Variants in RAB27A observed in about 807,000 individuals in gnomAD.
RAB27A encodes the protein ras-related protein Rab-27A.
Under a neutral mutation model 20.8 loss-of-function variants are expected in RAB27A, and 17 were observed. The ratio of observed to expected loss-of-function variants is 0.82; its 90% CI spans 0.56 to 1.23. The LOEUF (loss-of-function observed/expected upper bound fraction) is 1.23, where lower values mean the gene tolerates loss of function less well. Among genes scored for constraint, RAB27A ranks in the 50% most tolerant of loss-of-function variants. The probability of loss-of-function intolerance (pLI) is 0.00; values close to 1 mark genes in which losing one functional copy is unlikely to be tolerated. For missense variants in RAB27A, 277 were observed against 266.7 expected (o/e 1.04, Z -0.27); for synonymous variants, 85 against 92.8 (o/e 0.92, Z 0.48).
chr15:55,222,329 A>G (rs1895610482), intron 6 of RAB27A, among the ~76,000 whole-genome samples: 1 of 152,172 alleles, frequency 6.6e-6, no homozygotes, highest in African/African-American at 2.4e-5. Flanking sequence ...CTTGAGAAAA[A>G]CCTAAAATCC....
chr15:55,294,576 A>T (rs2054939239), upstream of RAB27A, among the ~76,000 whole-genome samples: 1 of 147,074 alleles, frequency 6.8e-6, no homozygotes, highest in Non-Finnish European at 1.5e-5. Flanking sequence ...CAACAGAACA[A>T]AACCCTGTCT....
At chr15:55,264,718 C>T (rs1039344392) in intron 2 of RAB27A, among the ~76,000 whole-genome samples, 87 of 152,194 alleles carry the variant, frequency 5.7e-4, no homozygotes, top group African/African-American at 2.1e-3. Flanking sequence ...ACCAATGATC[C>T]AAAGATATAC....
At chr15:55,254,256 T>C (rs1177315978) in intron 2 of RAB27A, among the ~76,000 whole-genome samples, 1 of 152,176 alleles carries the variant, frequency 6.6e-6, no homozygotes, top group Non-Finnish European at 1.5e-5. Flanking sequence ...ACATTCCTTT[T>C]AAGTTATTAC....
chr15:55,266,678 C>T lies in RAB27A; in HGVS notation c.-23+3487G>A, dbSNP rs182968480. On this transcript the variant is annotated intron_variant, in intron 2 of 6. Transcript: ENST00000336787. ...TAACTCATTTAGTCTTCACAACAAC[C>T]GTATAAGGTCCCTAAATCTACAGAT... is the stretch of plus-strand genomic sequence containing the variant. Among the ~76,000 whole-genome samples the T allele has an allele frequency of 1.4e-3, 218 of 152,256 alleles. 1 individual carries two copies. Among genetic ancestry groups the T allele is most frequent in the African/African-American group, 4.6e-3 (193 of 41,544 alleles).
In RAB27A at chr15:55,318,528, C is replaced by A. The variant is rs1475208016; in HGVS notation, c.-234+403G>T. Among the ~76,000 whole-genome samples the A allele has an allele frequency of 1.2e-4, 18 of 150,994 alleles. No homozygotes were observed. The East Asian group carries it at 3.6e-3, about 30-fold the overall frequency. On this transcript the variant is annotated intron_variant, in intron 1 of 5. Transcript: ENST00000563262. ...GACCAGCCAGGCCAATATGGTGAAA[C>A]CCCGTCTCTACAAAAAAACACAAAA...
intron 2 of RAB27A, among the ~76,000 whole-genome samples, chr15:55,300,666 C>T (rs567423613): frequency 7.1e-4 from 101 of 141,368 alleles, no homozygotes; most frequent in African/African-American, 2.8e-3. Flanking sequence ...GCAACAAGAG[C>T]GAAACTCTGT....
chr15:55,220,649 C>T (rs536081476), intron 6 of RAB27A, among the ~76,000 whole-genome samples: 1 of 152,274 alleles, frequency 6.6e-6, no homozygotes, highest in East Asian at 1.9e-4. Context: ...AAACAACATA[C>T]AAATTATATG....
Position 55,234,877 on chromosome 15 carries a change from C to G in RAB27A, c.58G>C (p.Val20Leu), listed in dbSNP as rs369478092. Residue 20 changes from valine (V) to leucine (L), a missense_variant, in exon 3 of 7, where the codon GTA becomes CTA. By Grantham distance (32) the Val-to-Leu change is conservative. Coordinates refer to ENST00000336787, the MANE Select transcript of RAB27A (RefSeq NM_183235.3). ...IKFLALGDSG[V>L]GKTSVLYQYT... ...TGGTAAAGTACACTGGTCTTCCCTA[C>G]ACCAGAGTCTCCCAAAGCTAAAAAC... 6.2e-7 allele frequency: 1 copy of G among 1,611,972 alleles called. No homozygotes were observed. Among genetic ancestry groups the G allele is most frequent in the Admixed American group, 1.7e-5 (1 of 59,902 alleles).
chr15:55,228,735 G>T (rs1895915211), intron 4 of RAB27A, 23 bp from the exon 5 acceptor site: 4 of 1,550,316 alleles, frequency 2.6e-6, no homozygotes, highest in African/African-American at 2.7e-5. Context: ...AAGCAGAATG[G>T]TCAGTTAAAC....
intron 2 of RAB27A, among the ~76,000 whole-genome samples, chr15:55,301,645 C>CTTTT (rs754262049): frequency 3.2e-4 from 38 of 117,576 alleles, no homozygotes; most frequent in Non-Finnish European, 3.7e-4. Context: ...CCCTAAAAAT[C>CTTTT]TTTTTTTTTT....
chr15:55,217,438 T>G (rs1895358019), intron 6 of RAB27A, among the ~76,000 whole-genome samples: 1 of 151,938 alleles, frequency 6.6e-6, no homozygotes, highest in Admixed American at 6.6e-5. Flanking sequence ...GACTTGTGCA[T>G]CACTTGAGGC....
chr15:55,286,761 G>A (rs1280494399), intron 1 of RAB27A, among the ~76,000 whole-genome samples: 3 of 151,966 alleles, frequency 2.0e-5, no homozygotes, highest in African/African-American at 7.3e-5. Context: ...AATAGACTCT[G>A]GCTGCTGTGT....
intron 2 of RAB27A, among the ~76,000 whole-genome samples, chr15:55,301,047 T>A (rs117295762): frequency 1.3e-5 from 2 of 152,098 alleles, no homozygotes; most frequent in African/African-American, 4.8e-5. Flanking sequence ...AGGCCCTAAG[T>A]TGACACTGGT....
chr15:55,234,298 T>C lies in RAB27A; in HGVS notation c.153+484A>G, dbSNP rs138781618. Among the ~76,000 whole-genome samples the C allele has an allele frequency of 7.9e-5, 12 of 152,314 alleles. No individual in the cohort carries two copies. In the East Asian group the frequency reaches 1.9e-3, roughly 24 times the overall value. ...TTCTGCAGAACATCACATTCACTAC[T>C]GGCATTCCCCACTCCTACTCCAACC... is the stretch of plus-strand genomic sequence containing the variant. On this transcript the variant is annotated intron_variant, in intron 3 of 6. Transcript: ENST00000336787.
At chr15:55,250,626 C>T (rs1490663443) in intron 2 of RAB27A, among the ~76,000 whole-genome samples, 2 of 152,206 alleles carry the variant, frequency 1.3e-5, no homozygotes, top group African/African-American at 4.8e-5. Flanking sequence ...AGAATGAACA[C>T]AACATGTTGC....
chr15:55,302,680 C>T (rs1189658492), intron 2 of RAB27A, among the ~76,000 whole-genome samples: 1 of 114,548 alleles, frequency 8.7e-6, no homozygotes, highest in Non-Finnish European at 1.7e-5. Context: ...AGCGTCTCTG[C>T]CCGGCCGCCC....
At chr15:55,268,261 CA>C (rs1369840399) in intron 2 of RAB27A, among the ~76,000 whole-genome samples, 1 of 151,988 alleles carries the variant, frequency 6.6e-6, no homozygotes, top group African/African-American at 2.4e-5. Context: ...GGTTCATTCC[CA>C]GGTGAAAAGC....
At chr15:55,264,851 A>G (rs1216008804) in intron 2 of RAB27A, among the ~76,000 whole-genome samples, 3 of 152,212 alleles carry the variant, frequency 2.0e-5, no homozygotes, top group Non-Finnish European at 4.4e-5. Context: ...AGAATTGTGG[A>G]TGTGCCACTA....
intron 2 of RAB27A, among the ~76,000 whole-genome samples, chr15:55,309,847 C>A (rs369632309): frequency 1.3e-5 from 2 of 152,156 alleles, no homozygotes; most frequent in South Asian, 2.1e-4. Context: ...GGCTACTGCA[C>A]GGTTTTACTA....
Sources: gnomAD v4.1 joint callset for allele counts (sites outside exome capture counted in the v4.1 genomes callset) on GRCh38, gnomAD v4.1.1 for gene constraint, MANE v1.5 for transcripts, NCBI Gene and HGNC (gene_info 2026-07-23, HGNC 2026-07-21) for gene names.